Variants in SLC22A6 observed in about 807,000 individuals in gnomAD.
SLC22A6 encodes the protein solute carrier family 22 member 6, also known as PAH transporter.
In SLC22A6, 45 loss-of-function variants were observed where a neutral mutation model predicts 56.7. The ratio of observed to expected loss-of-function variants is 0.79; its 90% confidence interval spans 0.63 to 1.02. SLC22A6 has a LOEUF of 1.02. SLC22A6 is among the 50% of genes least tolerant of loss of function. The pLI, the probability that SLC22A6 is intolerant of heterozygous loss-of-function variation, is 0.00. For missense variants in SLC22A6, 606 were observed against 713.8 expected (o/e 0.85, Z 1.72); for synonymous variants, 291 against 295.9 (o/e 0.98, Z 0.17).
chr11:62,983,518 G>T lies in SLC22A6; in HGVS notation c.628+19C>A. On this transcript the variant is annotated intron_variant, in intron 3 of 9. Transcript: ENST00000360421. The surrounding 1 kb of genome is among the most constrained non-coding windows in gnomAD (Gnocchi z 4.5). ...GGGCTGGGTGGCCGGAGGGGAGTGG[G>T]CTGGTAAGAATCTCTCACTCAGTGT... 1.3e-6 allele frequency: 2 copies of T among 1,552,988 alleles called. No homozygotes were observed. The highest frequency in any genetic ancestry group is 1.7e-6 in the Non-Finnish European group (2 of 1,148,472).
chr11:62,983,826 C>T lies in SLC22A6; in HGVS notation c.473+118G>A, dbSNP rs1590679889. The T allele has an allele frequency of 3.4e-6, 4 of 1,169,952 alleles. No homozygotes were observed. The highest frequency in any genetic ancestry group is 5.0e-5 in the Admixed American group (2 of 39,964). The allele number at this position is 1,169,952 out of a possible 1,614,324, so 72.5% of individuals were successfully genotyped here. A position where few individuals can be genotyped will look rare whatever the true frequency, so the allele number is the denominator to read the frequency against. ...GGACCTCTGAAGTATGAGGCTGGTG[C>T]TGTAGATCCTCAAACCAGCGCCGGC... is the stretch of plus-strand genomic sequence containing the variant. On this transcript the variant is annotated intron_variant, in intron 2 of 9. Transcript: ENST00000360421. This position sits in a 1 kb window ranked among gnomAD's most constrained non-coding sequence, Gnocchi z 4.5.
At chr11:62,982,214 C>G (rs2086263852) in intron 3 of SLC22A6, among the ~76,000 whole-genome samples, 1 of 152,090 alleles carries the variant, frequency 6.6e-6, no homozygotes, top group Admixed American at 6.5e-5. Context: ...GAACTGCCCC[C>G]TCCACACTCT....
chr11:62,981,151 C>T (rs1418750800), intron 5 of SLC22A6, 51 bp from the exon 6 acceptor site: 1 of 1,605,700 alleles, frequency 6.2e-7, no homozygotes, highest in Admixed American at 1.7e-5. Flanking sequence ...AGGAGCTCCT[C>T]CCAGCCTAAT....
intron 1 of SLC22A6, 113 bp downstream of exon 1, chr11:62,984,209 C>T: frequency 1.4e-6 from 2 of 1,389,930 alleles, no homozygotes; most frequent in Non-Finnish European, 1.9e-6. Context: ...TTCTTTTTAA[C>T]TCAGCAGTTA....
rs766737752 is a variant in SLC22A6 at position 62,984,363 on chromosome 11, T to G, written c.328A>C (p.Ile110Leu). 1 of 1,613,798 alleles carries G rather than the reference T, an allele frequency of 6.2e-7. No individual in the cohort carries two copies. Among genetic ancestry groups the G allele is most frequent in the Non-Finnish European group, 8.5e-7 (1 of 1,179,960 alleles). Residue 110 changes from isoleucine to leucine, a missense_variant, in exon 1 of 10, where the codon ATC becomes CTC. Transcript: ENST00000360421. ...GATEPCTDGW[I>L]YDNSTFPSTI... Reference sequence around the variant, plus strand: ...GATGGGAAGGTGCTGTTGTCATAGATCCAGCCATCGGTGCAGGGCTCTGTG... The same window carrying G: ...GATGGGAAGGTGCTGTTGTCATAGAGCCAGCCATCGGTGCAGGGCTCTGTG...
Position 62,983,509 on chromosome 11 carries a change from G to A in SLC22A6, c.628+28C>T. 3 of 1,551,276 alleles carry A rather than the reference G, an allele frequency of 1.9e-6. No individual in the cohort carries two copies. The highest frequency in any genetic ancestry group is 1.7e-6 in the Non-Finnish European group (2 of 1,147,706). ...GGGGTTGCTGGGCTGGGTGGCCGGA[G>A]GGGAGTGGGCTGGTAAGAATCTCTC... On this transcript the variant is annotated intron_variant, in intron 3 of 9. Transcript: ENST00000360421. The surrounding 1 kb of genome is among the most constrained non-coding windows in gnomAD (Gnocchi z 4.5).
chr11:62,981,952 G>A lies in SLC22A6; in HGVS notation c.687C>T (p.Val229=). ...RACVGTLIGY[V]YSLGQFLLAG... ...CCAGGAGGAACTGGCCCAGGCTGTA[G>A]ACATAGCCAATCAAGGTGCCCACGC... is the stretch of plus-strand genomic sequence containing the variant. The change falls in exon 4 of 10, where the codon GTC becomes GTT. Residue 229 remains valine (V), a synonymous_variant. Transcript: ENST00000360421. The A allele has an allele frequency of 1.2e-6, 2 of 1,614,196 alleles. No individual in the cohort carries two copies. The highest frequency in any genetic ancestry group is 1.7e-6 in the Non-Finnish European group (2 of 1,180,024).
Position 62,984,705 on chromosome 11 carries a change from C to A in SLC22A6, c.-15G>T, listed in dbSNP as rs1262552924. The A allele has an allele frequency of 4.4e-6, 7 of 1,608,648 alleles. No homozygotes were observed. In the East Asian group the frequency reaches 1.3e-4, roughly 31 times the overall value. On this transcript the variant is annotated 5_prime_UTR_variant, in exon 1 of 10. Coordinates refer to ENST00000360421, the MANE Select transcript of SLC22A6 (RefSeq NM_153276.3). The stretch of plus-strand genomic sequence containing the variant: ...TTAAAGGCCATTGGGCCAGGCCCAG[C>A]CCAGTGGCTGGGGGCTGAGGCCTTC...
In SLC22A6 at chr11:62,978,582, C is replaced by T. The variant is rs865987154; in HGVS notation, c.1361+906G>A. On this transcript the variant is annotated intron_variant, in intron 8 of 9. Transcript: ENST00000360421. ...AGCCAGGATGGTCTTGCAGGATGGT[C>T]TTGATCTCTTTTTTTTTTTTTTTTT... 1.9e-4 allele frequency among the ~76,000 whole-genome samples: 25 copies of T among 134,942 alleles called. No individual in the cohort carries two copies. In the South Asian group the frequency reaches 4.5e-3, roughly 24 times the overall value. 88.5% of individuals were successfully genotyped at this position (134,942 alleles called of 152,430 possible). A position where few individuals can be genotyped will look rare whatever the true frequency, so the allele number is the denominator to read the frequency against.
At chr11:62,979,036 T>A (rs1450577920) in intron 8 of SLC22A6, among the ~76,000 whole-genome samples, 1 of 152,236 alleles carries the variant, frequency 6.6e-6, no homozygotes, top group Non-Finnish European at 1.5e-5. Context: ...TAAGCAATAC[T>A]ATATTTATTC....
chr11:62,983,732 T>C lies in SLC22A6; in HGVS notation c.474-41A>G. On this transcript the variant is annotated intron_variant, in intron 2 of 9. Coordinates refer to ENST00000360421, the MANE Select transcript of SLC22A6 (RefSeq NM_153276.3). The surrounding 1 kb of genome is among the most constrained non-coding windows in gnomAD (Gnocchi z 4.5). ...AGACTTGTAGCAGGGCCCTGGAGAC[T>C]GATGGGGGTCAGGCTGAGCCAGGAG... The C allele has an allele frequency of 6.4e-7, 1 of 1,573,314 alleles. No homozygotes were observed. Among genetic ancestry groups the C allele is most frequent in the Non-Finnish European group, 8.6e-7 (1 of 1,159,498 alleles).
chr11:62,977,437 C>G, intron 8 of SLC22A6, 50 bp from the exon 9 acceptor site: 1 of 1,551,380 alleles, frequency 6.4e-7, no homozygotes, highest in Non-Finnish European at 8.7e-7. Context: ...AGCATGAATG[C>G]CCAGATGCTG....
intron 4 of SLC22A6, 112 bp downstream of exon 4, chr11:62,981,730 G>T: frequency 1.7e-6 from 2 of 1,143,342 alleles, no homozygotes; most frequent in Non-Finnish European, 1.2e-6. Flanking sequence ...GACTGGGTTT[G>T]ACCTTCTCTA....
Position 62,983,453 on chromosome 11 carries a change from G to A in SLC22A6, c.628+84C>T. On this transcript the variant is annotated intron_variant, in intron 3 of 9. Transcript: ENST00000360421. This position sits in a 1 kb window ranked among gnomAD's most constrained non-coding sequence, Gnocchi z 4.5. ...GAGGCTGGAGGGCAGGCAGGGCTCA[G>A]GAGGGGCAGGCTGGGAGGGGAGGCT... 3.5e-6 allele frequency: 5 copies of A among 1,426,296 alleles called. No homozygotes were observed. The highest frequency in any genetic ancestry group is 4.8e-6 in the Non-Finnish European group (5 of 1,043,816). 88.4% of individuals were successfully genotyped at this position (1,426,296 alleles called of 1,614,324 possible).
At chr11:62,982,301 G>A (rs2086265175) in intron 3 of SLC22A6, among the ~76,000 whole-genome samples, 1 of 151,924 alleles carries the variant, frequency 6.6e-6, no homozygotes, top group African/African-American at 2.4e-5. Flanking sequence ...AGCACCTCTG[G>A]CCACTTGGTC....
rs781112424 is a variant in SLC22A6 at position 62,976,783 on chromosome 11, C to T, written c.*11G>A. On this transcript the variant is annotated 3_prime_UTR_variant, in exon 10 of 10. Transcript: ENST00000360421. ...CTCCCTTTAGGGTTCTGTAAGGCCC[C>T]TTCTCAGTCCTCAGAGTCCATTCTT... 1.2e-6 allele frequency: 2 copies of T among 1,608,422 alleles called. No homozygotes were observed. Among genetic ancestry groups the T allele is most frequent in the South Asian group, 2.2e-5 (2 of 89,870 alleles).
rs900656951 is a variant in SLC22A6, at chr11:62,984,191, G to A, written c.369+131C>T. 8.5e-6 allele frequency: 11 copies of A among 1,297,648 alleles called. No homozygotes were observed. The Admixed American group carries it at 2.1e-4, about 24-fold the overall frequency. 80.4% of individuals were successfully genotyped at this position (1,297,648 alleles called of 1,614,324 possible). ...TTGCCTCTCTGGTCCTGACAGCTGA[G>A]AGCATTTTTCTTTTTAACTCAGCAG... On this transcript the variant is annotated intron_variant, in intron 1 of 9. Coordinates refer to ENST00000360421, the MANE Select transcript of SLC22A6 (RefSeq NM_153276.3).
intron 6 of SLC22A6, 54 bp from the exon 7 acceptor site, chr11:62,980,002 T>C: frequency 2.2e-6 from 3 of 1,342,120 alleles, no homozygotes; most frequent in Non-Finnish European, 2.1e-6. Flanking sequence ...TAAAGTGGGG[T>C]GCTCTTTCAA....
intron 6 of SLC22A6, 94 bp from the exon 7 acceptor site, chr11:62,980,042 G>T: frequency 1.2e-6 from 1 of 807,204 alleles, no homozygotes; most frequent in Non-Finnish European, 2.1e-6. Flanking sequence ...TGGGTACCCT[G>T]CTTAAGGAGC....
Sources: allele counts gnomAD v4.1 joint callset (sites outside exome capture counted in the v4.1 genomes callset), GRCh38; gene constraint gnomAD v4.1.1; non-coding constraint Gnocchi (gnomAD v3.1); transcripts MANE v1.5; gene names NCBI Gene and HGNC (gene_info 2026-07-23, HGNC 2026-07-21).